Variants in GPHN observed in about 807,000 individuals in gnomAD.
GPHN encodes the protein gephyrin.
A neutral mutation model predicts 95.5 loss-of-function variants in GPHN; 17 were observed. The ratio of observed to expected loss-of-function variants is 0.18; its 90% confidence interval spans 0.12 to 0.27. The LOEUF is 0.27. GPHN is among the 10% of genes least tolerant of loss of function. The probability of loss-of-function intolerance (pLI) is 1.00; values close to 1 mark genes in which losing one functional copy is unlikely to be tolerated. For synonymous variants in GPHN, 320 were observed against 322.5 expected, an observed-to-expected ratio of 0.99 and a Z score of 0.08; for missense variants, 660 against 978.1, an observed-to-expected ratio of 0.67 and a Z score of 4.34.
At chr14:67,150,461 A>C (rs1015790520) in intron 18 of GPHN, among the ~76,000 whole-genome samples, 29 of 149,708 alleles carry the variant, frequency 1.9e-4, no homozygotes, top group Middle Eastern at 3.2e-3. Flanking sequence ...AACAAAAAAA[A>C]AAAAAAAAAA....
rs548543583 is a variant in GPHN, at chr14:66,612,997, G to T, written c.65-68110G>T. ...GTTTTTAGCTATTATGAGTAAAGCTGCTGTGAATATATACATGTAAGCCTT... is the reference window on the plus strand; with the variant it reads ...GTTTTTAGCTATTATGAGTAAAGCTTCTGTGAATATATACATGTAAGCCTT... On this transcript the variant is annotated intron_variant, in intron 1 of 22. Transcript: ENST00000478722. Among the ~76,000 whole-genome samples, 294 of 152,090 alleles carry T rather than the reference G, an allele frequency of 1.9e-3. 2 individuals carry two copies. The highest frequency in any genetic ancestry group is 3.1e-3 in the Admixed American group (48 of 15,268).
the GPHN span, among the ~76,000 whole-genome samples, chr14:67,458,945 T>G: frequency 6.6e-6 from 1 of 152,230 alleles, no homozygotes; most frequent in African/African-American, 2.4e-5. Flanking sequence ...TGGAGTGCAA[T>G]GGCACGATCT....
chr14:67,560,053 G>T, the GPHN span, among the ~76,000 whole-genome samples: 1 of 152,142 alleles, frequency 6.6e-6, no homozygotes, highest in East Asian at 1.9e-4. Context: ...TGGAGACAGA[G>T]TCTCGCTCTC....
At chr14:67,439,588 TCTTTC>T in the GPHN span, among the ~76,000 whole-genome samples, 5 of 140,046 alleles carry the variant, frequency 3.6e-5, no homozygotes, top group South Asian at 2.4e-4. Flanking sequence ...TTTCTTTCTT[TCTTTC>T]TTCTTTCTTT....
At chr14:67,345,814 T>C in the GPHN span, 1 of 1,614,154 alleles carries the variant, frequency 6.2e-7, no homozygotes. Flanking sequence ...TTTGGCATAA[T>C]TCCTCTTTAA....
intron 2 of GPHN, among the ~76,000 whole-genome samples, chr14:66,724,250 T>C (rs2071023406): frequency 6.6e-6 from 1 of 152,182 alleles, no homozygotes; most frequent in African/African-American, 2.4e-5. Context: ...TTTAAGATTT[T>C]AATTGCCCTT....
intron 8 of GPHN, among the ~76,000 whole-genome samples, chr14:66,948,292 T>TA (rs566540021): frequency 1.5e-3 from 232 of 151,032 alleles, no homozygotes; most frequent in African/African-American, 4.7e-3. Flanking sequence ...ATATTCCTTG[T>TA]AAAAAAAAAC....
At chr14:67,602,336 C>T in the GPHN span, among the ~76,000 whole-genome samples, 1 of 152,210 alleles carries the variant, frequency 6.6e-6, no homozygotes, top group Non-Finnish European at 1.5e-5. Context: ...TCCCCATGAT[C>T]CAATCACCTC....
chr14:66,610,354 A>G (rs7161409), intron 1 of GPHN, among the ~76,000 whole-genome samples: 5 of 152,114 alleles, frequency 3.3e-5, no homozygotes, highest in African/African-American at 1.2e-4. Flanking sequence ...AGTGGCAGGA[A>G]CTAGCCCTCA....
chr14:66,767,181 G>C (rs1030323715), intron 2 of GPHN, among the ~76,000 whole-genome samples: 2 of 152,024 alleles, frequency 1.3e-5, no homozygotes, highest in South Asian at 4.1e-4. Flanking sequence ...TCTGTAGTAA[G>C]TATATAAGAC....
At chr14:66,874,276 A>C (rs192779498) in intron 4 of GPHN, among the ~76,000 whole-genome samples, 2 of 152,362 alleles carry the variant, frequency 1.3e-5, no homozygotes, top group East Asian at 3.9e-4. Context: ...GAGCAAAGGT[A>C]GATAAATCCA....
At chr14:66,613,244 C>G (rs1253818119) in intron 1 of GPHN, among the ~76,000 whole-genome samples, 6 of 152,128 alleles carry the variant, frequency 3.9e-5, no homozygotes, top group Admixed American at 6.6e-5. Flanking sequence ...ATTGTTGTTT[C>G]ATTAACATTG....
intron 5 of GPHN, among the ~76,000 whole-genome samples, chr14:66,888,865 A>C (rs1364175442): frequency 6.6e-6 from 1 of 152,110 alleles, no homozygotes; most frequent in East Asian, 1.9e-4. Flanking sequence ...AGACATAAAT[A>C]AGTTGAAAGT....
At chr14:67,481,781 A>T in the GPHN span, among the ~76,000 whole-genome samples, 16 of 151,950 alleles carry the variant, frequency 1.1e-4, no homozygotes, top group African/African-American at 3.9e-4. Flanking sequence ...GGCTCCTTCC[A>T]CTAGCTCCTT....
At chr14:66,548,876 T>C (rs773677104) in intron 1 of GPHN, among the ~76,000 whole-genome samples, 9 of 152,234 alleles carry the variant, frequency 5.9e-5, no homozygotes, top group Non-Finnish European at 1.0e-4. Flanking sequence ...GAACATTTAT[T>C]CTGAGAGATT....
rs891295541 is a variant in GPHN, at chr14:66,541,335, T to G, written c.64+32744T>G. ...TTCTCTGAGAGAAAGATAAGAAAAA[T>G]GGAATTCTAAGATTTTGTAAAGGAT... On this transcript the variant is annotated intron_variant, in intron 1 of 22. Transcript: ENST00000478722. 2.0e-5 allele frequency among the ~76,000 whole-genome samples: 3 copies of G among 152,028 alleles called. No individual in the cohort carries two copies. The South Asian group carries it at 6.2e-4, about 31-fold the overall frequency.
intron 3 of GPHN, among the ~76,000 whole-genome samples, chr14:66,798,318 A>G (rs1451379695): frequency 6.6e-6 from 1 of 151,814 alleles, no homozygotes; most frequent in Non-Finnish European, 1.5e-5. Flanking sequence ...GTATCAGGGT[A>G]ATATTAGCCT....
chr14:67,712,792 C>T, the GPHN span, among the ~76,000 whole-genome samples: 255 of 152,224 alleles, frequency 1.7e-3, 2 homozygotes, highest in African/African-American at 5.2e-3. Context: ...TATTGAACTA[C>T]AGGGTGAGGT....
the GPHN span, among the ~76,000 whole-genome samples, chr14:67,285,571 G>GT: frequency 1.3e-5 from 2 of 149,268 alleles, no homozygotes; most frequent in Non-Finnish European, 2.9e-5. Context: ...GGGTTTCACC[G>GT]TGTTAGCCAG....
Sources: gnomAD v4.1 joint callset for allele counts (sites outside exome capture counted in the v4.1 genomes callset) on GRCh38, gnomAD v4.1.1 for gene constraint, MANE v1.5 for transcripts, NCBI Gene and HGNC (gene_info 2026-07-23, HGNC 2026-07-21) for gene names.